Variants in SIPA1L1 observed in about 807,000 individuals in gnomAD.
SIPA1L1 encodes signal-induced proliferation-associated 1-like protein 1.
Under a neutral mutation model 162.7 loss-of-function variants are expected in SIPA1L1, and 26 were observed. That is an observed-to-expected ratio of 0.16 (90% CI 0.12 to 0.22). The LOEUF (loss-of-function observed/expected upper bound fraction) is 0.22, where lower values mean the gene tolerates loss of function less well. Among genes scored for constraint, SIPA1L1 ranks in the 10% least tolerant of loss-of-function variants. The probability of loss-of-function intolerance (pLI) is 1.00; values close to 1 mark genes in which losing one functional copy is unlikely to be tolerated. For synonymous variants in SIPA1L1, 829 were observed against 837.4 expected, an observed-to-expected ratio of 0.99 and a Z score of 0.17; for missense variants, 1,874 against 2,241.0, an observed-to-expected ratio of 0.84 and a Z score of 3.31.
At chr14:71,431,998 T>G (rs182003281) in intron 2 of SIPA1L1, among the ~76,000 whole-genome samples, 16 of 152,122 alleles carry the variant, frequency 1.1e-4, no homozygotes, top group Non-Finnish European at 1.8e-4. Context: ...AAGGAGGTGA[T>G]TAAATGGTAA....
chr14:71,634,421 C>T (rs1353768334), intron 7 of SIPA1L1, among the ~76,000 whole-genome samples: 1 of 149,928 alleles, frequency 6.7e-6, no homozygotes, highest in Non-Finnish European at 1.5e-5. Flanking sequence ...AAAAAAAACC[C>T]ACCTATAAGG....
intron 2 of SIPA1L1, among the ~76,000 whole-genome samples, chr14:71,413,511 G>A (rs1293239202): frequency 2.0e-5 from 3 of 152,064 alleles, no homozygotes; most frequent in East Asian, 3.9e-4. Context: ...GCTGAGGCGG[G>A]TGGATCACCT....
intron 2 of SIPA1L1, among the ~76,000 whole-genome samples, chr14:71,389,118 T>G (rs948994859): frequency 1.3e-5 from 2 of 152,056 alleles, no homozygotes; most frequent in South Asian, 4.1e-4. Context: ...CACCAAAGAT[T>G]TGTTTGTCTG....
intron 3 of SIPA1L1, among the ~76,000 whole-genome samples, chr14:71,524,765 T>C (rs1055346840): frequency 6.6e-6 from 1 of 152,124 alleles, no homozygotes; most frequent in Non-Finnish European, 1.5e-5. Flanking sequence ...CAGTTTTAGC[T>C]TGTCCTTGTA....
chr14:71,524,352 T>C (rs1427623399), intron 3 of SIPA1L1, among the ~76,000 whole-genome samples: 1 of 152,246 alleles, frequency 6.6e-6, no homozygotes, highest in Non-Finnish European at 1.5e-5. Context: ...TAATGCAGTT[T>C]AGTTGTTACT....
chr14:71,738,991 G>C (rs1298725059), intron 23 of SIPA1L1, 27 bp from the exon 24 acceptor site: 2 of 1,608,120 alleles, frequency 1.2e-6, no homozygotes, highest in African/African-American at 2.7e-5. Flanking sequence ...ACACCTCTTA[G>C]CTTTTCTACT....
At chr14:71,368,155 T>TC (rs2038531716) in intron 2 of SIPA1L1, among the ~76,000 whole-genome samples, 3 of 147,236 alleles carry the variant, frequency 2.0e-5, no homozygotes, top group Non-Finnish European at 4.5e-5. Flanking sequence ...TTTTTTTTTT[T>TC]CTTTCTTTTT....
chr14:71,738,301 G>C lies in SIPA1L1; in HGVS notation c.5184G>C (p.Lys1728Asn), dbSNP rs1463167632. 1 of 1,613,294 alleles carries C rather than the reference G, an allele frequency of 6.2e-7. No homozygotes were observed. Among genetic ancestry groups the C allele is most frequent in the Admixed American group, 1.7e-5 (1 of 59,990 alleles). ...TGGACCAGCTGGAAGGTATGCTGAA[G>C]ATGCTTCGGGAAGATTTGAAGAAGG... The part of the protein sequence containing the change: ...SKVDQLEGML[K>N]MLREDLKKEK... The change falls in exon 23 of 24, where the codon AAG becomes AAC. Residue 1728 changes from lysine (K) to asparagine (N), a missense_variant. Lys to Asn is a moderately conservative substitution (Grantham distance 94). Around this residue, in one of 5 missense-constraint regions of SIPA1L1, gnomAD observed 936 missense variants for 1,051.9 expected, o/e 0.89. Transcript: ENST00000381232.
intron 12 of SIPA1L1, among the ~76,000 whole-genome samples, chr14:71,684,551 G>A (rs534764114): frequency 2.0e-5 from 3 of 152,364 alleles, no homozygotes; most frequent in Non-Finnish European, 4.4e-5. Flanking sequence ...TAAGCTGCTC[G>A]TACACCCTTT....
chr14:71,626,730 A>G (rs1304216695), intron 7 of SIPA1L1, among the ~76,000 whole-genome samples: 1 of 152,174 alleles, frequency 6.6e-6, no homozygotes, highest in Non-Finnish European at 1.5e-5. Flanking sequence ...CATCAGAAGG[A>G]GCTTTAAATC....
intron 4 of SIPA1L1, among the ~76,000 whole-genome samples, chr14:71,542,730 C>T (rs1209201557): frequency 1.4e-5 from 2 of 145,784 alleles, no homozygotes; most frequent in African/African-American, 2.5e-5. Context: ...CCTCCTCCTC[C>T]TCCTTCTTCT....
chr14:71,657,186 A>G (rs2043132491), intron 8 of SIPA1L1, among the ~76,000 whole-genome samples: 1 of 152,020 alleles, frequency 6.6e-6, no homozygotes, highest in Admixed American at 6.6e-5. Flanking sequence ...CGTCTCTACT[A>G]AAACTACAAA....
chr14:71,659,167 G>A (rs927534136), intron 9 of SIPA1L1, among the ~76,000 whole-genome samples: 1 of 152,156 alleles, frequency 6.6e-6, no homozygotes, highest in Non-Finnish European at 1.5e-5. Flanking sequence ...GAACCAGAGA[G>A]CTAACACACA....
intron 5 of SIPA1L1, among the ~76,000 whole-genome samples, chr14:71,593,226 T>TATTG (rs1156503800): frequency 7.2e-6 from 1 of 138,014 alleles, no homozygotes; most frequent in South Asian, 2.3e-4. Flanking sequence ...TTTATTTATT[T>TATTG]ATTGAGACAG....
At chr14:71,531,960 G>A (rs2053484045) in intron 4 of SIPA1L1, among the ~76,000 whole-genome samples, 1 of 151,936 alleles carries the variant, frequency 6.6e-6, no homozygotes, top group Non-Finnish European at 1.5e-5. Context: ...CTTTCAACTT[G>A]AGAACCTAAT....
chr14:71,532,550 A>C (rs1272817309), intron 4 of SIPA1L1, among the ~76,000 whole-genome samples: 2 of 152,182 alleles, frequency 1.3e-5, no homozygotes, highest in Non-Finnish European at 1.5e-5. Flanking sequence ...TGCTCTCCGC[A>C]CCCTTGTTGA....
At chr14:71,451,632 C>CAAAAAAA (rs762968378) in intron 2 of SIPA1L1, among the ~76,000 whole-genome samples, 1 of 54,386 alleles carries the variant, frequency 1.8e-5, no homozygotes, top group African/African-American at 6.8e-5. Context: ...GACCTTGTCT[C>CAAAAAAA]AAAAAAAAAA....
chr14:71,575,071 A>G (rs2032789353), intron 4 of SIPA1L1: 4 of 152,196 alleles, frequency 2.6e-5, no homozygotes, highest in Admixed American at 2.6e-4. Flanking sequence ...GATATAAATA[A>G]AGGATTCAAA....
intron 6 of SIPA1L1, among the ~76,000 whole-genome samples, chr14:71,621,857 C>A (rs773401890): frequency 2.6e-5 from 4 of 151,968 alleles, no homozygotes; most frequent in African/African-American, 4.8e-5. Context: ...TCCTTCCTCC[C>A]GCTAATATTT....
Sources: gnomAD v4.1 joint callset for allele counts (sites outside exome capture counted in the v4.1 genomes callset) on GRCh38, gnomAD v4.1.1 for gene constraint, gnomAD v4.1.1 regional missense constraint, MANE v1.5 for transcripts, NCBI Gene and HGNC (gene_info 2026-07-23, HGNC 2026-07-21) for gene names.